Variants in SPAG16 observed in about 807,000 individuals in gnomAD.
SPAG16 encodes sperm-associated antigen 16 protein.
SPAG16 carries 86 observed loss-of-function variants against 80.4 expected under a neutral mutation model. The observed-to-expected ratio is 1.07, with a 90% CI of 0.90 to 1.28. The LOEUF is 1.28. Among genes scored for constraint, SPAG16 ranks in the 50% most tolerant of loss-of-function variants. The pLI is 0.00. For missense variants in SPAG16, 870 were observed against 765.3 expected (o/e 1.14, Z -1.61); for synonymous variants, 294 against 265.9 (o/e 1.11, Z -1.03).
intron 9 of SPAG16, among the ~76,000 whole-genome samples, chr2:213,421,645 C>T (rs139099269): frequency 3.3e-5 from 5 of 152,200 alleles, no homozygotes; most frequent in Non-Finnish European, 7.3e-5. Context: ...CACCCAAGGA[C>T]CAATCAGCAC....
chr2:213,954,139 A>ATTT (rs367719207), intron 12 of SPAG16, among the ~76,000 whole-genome samples: 13 of 141,446 alleles, frequency 9.2e-5, no homozygotes, highest in Non-Finnish European at 7.7e-5. Context: ...AGTCACTCCT[A>ATTT]TTTTTTTTTT....
chr2:213,874,197 T>C (rs547251954), intron 11 of SPAG16, among the ~76,000 whole-genome samples: 1 of 152,304 alleles, frequency 6.6e-6, no homozygotes, highest in Non-Finnish European at 1.5e-5. Flanking sequence ...TCTACACTAC[T>C]GTAGACTATA....
Position 213,943,048 on chromosome 2 carries a change from G to A in SPAG16, c.1400+12903G>A, listed in dbSNP as rs536877607. Among the ~76,000 whole-genome samples the A allele has an allele frequency of 6.3e-4, 96 of 152,280 alleles. 1 individual carries two copies. The South Asian group carries it at 0.017, about 27-fold the overall frequency. On this transcript the variant is annotated intron_variant, in intron 12 of 15. Coordinates refer to ENST00000331683, the MANE Select transcript of SPAG16 (RefSeq NM_024532.5). The stretch of plus-strand genomic sequence containing the variant: ...AAGATGGCCATCTGCAAACCAGAAA[G>A]TGGGCTTTCACCAGGCACTGGATCT...
At chr2:213,508,092 C>G (rs1230010417) in intron 10 of SPAG16, among the ~76,000 whole-genome samples, 2 of 152,218 alleles carry the variant, frequency 1.3e-5, no homozygotes, top group African/African-American at 4.8e-5. Flanking sequence ...ACCCAGCCAT[C>G]CCATCACTGG....
intron 11 of SPAG16, among the ~76,000 whole-genome samples, chr2:213,881,210 A>G (rs1243300499): frequency 6.6e-6 from 1 of 151,656 alleles, no homozygotes; most frequent in African/African-American, 2.4e-5. Flanking sequence ...TAAGTATTTC[A>G]TTTTCTTTGT....
chr2:213,507,686 A>G (rs763707398), intron 10 of SPAG16, among the ~76,000 whole-genome samples: 21 of 152,174 alleles, frequency 1.4e-4, no homozygotes, highest in Non-Finnish European at 2.2e-4. Flanking sequence ...ACTTATACCT[A>G]TTGAAACTCA....
At chr2:213,538,830 TTTATCTATCTA>T (rs2076336531) in intron 10 of SPAG16, among the ~76,000 whole-genome samples, 1 of 150,344 alleles carries the variant, frequency 6.7e-6, no homozygotes, top group South Asian at 2.1e-4. Flanking sequence ...TATTTATCTA[TTTATCTATCTA>T]TTATCTATCT....
At chr2:213,297,114 T>G (rs1251546458) in intron 2 of SPAG16, 148 bp from the exon 3 acceptor site, 1 of 1,477,100 alleles carries the variant, frequency 6.8e-7, no homozygotes, top group East Asian at 2.7e-5. Flanking sequence ...AGTTATTCAT[T>G]TTTCATGGAT....
At chr2:213,965,130 T>C (rs1313711343) in intron 12 of SPAG16, among the ~76,000 whole-genome samples, 3 of 152,182 alleles carry the variant, frequency 2.0e-5, no homozygotes, top group Non-Finnish European at 2.9e-5. Context: ...TCCAATGCAG[T>C]CTGTTTTCTC....
At chr2:213,520,086 A>AAGAGAG (rs35798649) in intron 10 of SPAG16, among the ~76,000 whole-genome samples, 43 of 148,596 alleles carry the variant, frequency 2.9e-4, no homozygotes, top group African/African-American at 4.7e-4. Flanking sequence ...GAGCAAGAGC[A>AAGAGAG]AGAGAGAGAG....
chr2:213,833,566 A>ATTATATATATT (rs1491310920), intron 10 of SPAG16, among the ~76,000 whole-genome samples: 4 of 11,362 alleles, frequency 3.5e-4, no homozygotes, highest in East Asian at 4.4e-3. Context: ...TAATATATAT[A>ATTATATATATT]ATATATATAT....
chr2:214,213,236 T>C (rs1271458337), intron 15 of SPAG16, among the ~76,000 whole-genome samples: 1 of 152,220 alleles, frequency 6.6e-6, no homozygotes, highest in Non-Finnish European at 1.5e-5. Flanking sequence ...ATACCTTTAT[T>C]CCTAATCCAA....
intron 15 of SPAG16, among the ~76,000 whole-genome samples, chr2:214,252,185 A>G (rs1280438884): frequency 6.6e-6 from 1 of 152,120 alleles, no homozygotes; most frequent in Non-Finnish European, 1.5e-5. Context: ...GCAGTATGGA[A>G]TGATGGTATA....
At chr2:213,406,374 CAA>C (rs772140556) in intron 9 of SPAG16, among the ~76,000 whole-genome samples, 39 of 151,560 alleles carry the variant, frequency 2.6e-4, no homozygotes, top group Non-Finnish European at 4.9e-4. Context: ...ATAATCAAAA[CAA>C]AAATTATTTC....
intron 10 of SPAG16, among the ~76,000 whole-genome samples, chr2:213,599,058 T>C (rs891120664): frequency 6.6e-6 from 1 of 152,218 alleles, no homozygotes; most frequent in Admixed American, 6.5e-5. Flanking sequence ...TAATGATATG[T>C]TTATTTGTTC....
chr2:213,401,942 C>G (rs1322398359), intron 9 of SPAG16, among the ~76,000 whole-genome samples: 1 of 151,964 alleles, frequency 6.6e-6, no homozygotes, highest in Non-Finnish European at 1.5e-5. Context: ...AATAGAAAAA[C>G]TTCAAACGTT....
intron 14 of SPAG16, among the ~76,000 whole-genome samples, chr2:214,113,588 T>C (rs2053784020): frequency 6.6e-6 from 1 of 152,248 alleles, no homozygotes; most frequent in Non-Finnish European, 1.5e-5. Flanking sequence ...CAATCACTGA[T>C]ACCCTTTCTT....
At chr2:213,710,010 T>A (rs2065914493) in intron 10 of SPAG16, among the ~76,000 whole-genome samples, 1 of 152,192 alleles carries the variant, frequency 6.6e-6, no homozygotes, top group Non-Finnish European at 1.5e-5. Context: ...GGCTCACGCC[T>A]GTAATCCCAG....
At chr2:213,741,428 A>G (rs1027981071) in intron 10 of SPAG16, among the ~76,000 whole-genome samples, 6 of 152,182 alleles carry the variant, frequency 3.9e-5, no homozygotes, top group African/African-American at 1.4e-4. Context: ...CCAGAAGCAA[A>G]TATCTGTTAG....
Sources: allele counts gnomAD v4.1 joint callset (sites outside exome capture counted in the v4.1 genomes callset), GRCh38; gene constraint gnomAD v4.1.1; transcripts MANE v1.5; gene names NCBI Gene and HGNC (gene_info 2026-07-23, HGNC 2026-07-21).